The following STT3B variants were observed in gnomAD, a reference collection of about 807,000 sequenced individuals.
The protein encoded by STT3B is STT3 oligosaccharyltransferase complex catalytic subunit B.
A neutral mutation model predicts 96.8 loss-of-function variants in STT3B; 29 were observed. The ratio of observed to expected loss-of-function variants is 0.30; its 90% CI spans 0.22 to 0.41. STT3B has a LOEUF of 0.41. Among genes scored for constraint, STT3B ranks in the 10% least tolerant of loss-of-function variants. The pLI is 1.00. For missense variants in STT3B, 640 were observed against 1,022.3 expected, an observed-to-expected ratio of 0.63 and a Z score of 5.10; for synonymous variants, 367 against 360.0, an observed-to-expected ratio of 1.02 and a Z score of -0.22.
intron 8 of STT3B, 62 bp from the exon 9 acceptor site, chr3:31,619,614 A>T: frequency 7.2e-7 from 1 of 1,395,622 alleles, no homozygotes; most frequent in Admixed American, 1.9e-5. Context: ...AGATTTCTTC[A>T]TCTAAAAGGA....
chr3:31,578,295 G>A (rs993460113), intron 2 of STT3B, among the ~76,000 whole-genome samples: 5 of 152,118 alleles, frequency 3.3e-5, no homozygotes, highest in Non-Finnish European at 7.4e-5. Flanking sequence ...GCCTGGTTAT[G>A]TTTGGCTTTT....
chr3:31,600,932 A>T (rs890789883), intron 5 of STT3B, among the ~76,000 whole-genome samples: 1 of 152,032 alleles, frequency 6.6e-6, no homozygotes, highest in African/African-American at 2.4e-5. Flanking sequence ...TTTCACTGTG[A>T]TGTTTAGCGG....
intron 3 of STT3B, among the ~76,000 whole-genome samples, chr3:31,595,997 T>G (rs541538633): frequency 6.6e-6 from 1 of 152,364 alleles, no homozygotes; most frequent in Admixed American, 6.5e-5. Flanking sequence ...ATATTGTGTT[T>G]GACTCAAGTT....
At chr3:31,613,822 T>C (rs1699240896) in intron 5 of STT3B, among the ~76,000 whole-genome samples, 1 of 152,048 alleles carries the variant, frequency 6.6e-6, no homozygotes, top group South Asian at 2.1e-4. Flanking sequence ...GGGTACGTCA[T>C]AGAGGGTAAT....
intron 1 of STT3B, among the ~76,000 whole-genome samples, chr3:31,557,070 GAGAT>G (rs1212811137): frequency 2.7e-4 from 41 of 152,280 alleles, no homozygotes; most frequent in African/African-American, 9.6e-4. Context: ...TAAAGGGAGA[GAGAT>G]AGAGGTCCAG....
chr3:31,546,081 A>G (rs1276695738), intron 1 of STT3B, among the ~76,000 whole-genome samples: 1 of 152,184 alleles, frequency 6.6e-6, no homozygotes, highest in Non-Finnish European at 1.5e-5. Context: ...ACATGCTACT[A>G]TGAACATTAA....
At chr3:31,587,455 G>A (rs1005449697) in intron 3 of STT3B, among the ~76,000 whole-genome samples, 47 of 151,844 alleles carry the variant, frequency 3.1e-4, no homozygotes, top group African/African-American at 1.1e-3. Flanking sequence ...TATTGCTCAG[G>A]CTGGTCTTAA....
chr3:31,571,611 T>C (rs1412994040), intron 1 of STT3B, among the ~76,000 whole-genome samples: 1 of 152,138 alleles, frequency 6.6e-6, no homozygotes, highest in African/African-American at 2.4e-5. Context: ...TTACCTGTGA[T>C]GTGTGACTTT....
At chr3:31,548,839 A>G (rs1697479438) in intron 1 of STT3B, among the ~76,000 whole-genome samples, 1 of 152,314 alleles carries the variant, frequency 6.6e-6, no homozygotes, top group South Asian at 2.1e-4. Context: ...TGTTCTGCAG[A>G]CCACATATTC....
intron 5 of STT3B, among the ~76,000 whole-genome samples, chr3:31,611,727 C>A (rs1246591944): frequency 6.6e-6 from 1 of 152,052 alleles, no homozygotes; most frequent in African/African-American, 2.4e-5. Flanking sequence ...AAATTCCCAA[C>A]CTCAAGTGAT....
At chr3:31,585,234 T>C (rs1575426723) in intron 3 of STT3B, among the ~76,000 whole-genome samples, 1 of 152,182 alleles carries the variant, frequency 6.6e-6, no homozygotes, top group Admixed American at 6.5e-5. Flanking sequence ...TTCATCGTGA[T>C]TGAGTGATTG....
chr3:31,572,015 C>CATATTAATATATATTAATATACGAT (rs1553604000), intron 1 of STT3B, among the ~76,000 whole-genome samples: 3 of 131,954 alleles, frequency 2.3e-5, no homozygotes, highest in Non-Finnish European at 4.7e-5. Context: ...TTTTATTAAA[C>CATATTAATATATATTAATATACGAT]ATATTAATAT....
intron 1 of STT3B, among the ~76,000 whole-genome samples, chr3:31,572,230 G>T (rs900261419): frequency 6.9e-6 from 1 of 144,900 alleles, no homozygotes; most frequent in Non-Finnish European, 1.5e-5. Context: ...ATATATATAT[G>T]ATGAGGAATG....
At chr3:31,599,809 A>T (rs933527673) in intron 4 of STT3B, among the ~76,000 whole-genome samples, 31 of 152,230 alleles carry the variant, frequency 2.0e-4, no homozygotes, top group African/African-American at 7.2e-4. Flanking sequence ...AAAGATTAAA[A>T]TGGGATCTTG....
chr3:31,603,766 C>T (rs1050499292), intron 5 of STT3B, among the ~76,000 whole-genome samples: 4 of 150,066 alleles, frequency 2.7e-5, no homozygotes, highest in African/African-American at 5.1e-5. Flanking sequence ...CTTAAATGAC[C>T]AATAGGGGAA....
chr3:31,555,125 G>T (rs982660753), intron 1 of STT3B, among the ~76,000 whole-genome samples: 1 of 152,064 alleles, frequency 6.6e-6, no homozygotes, highest in African/African-American at 2.4e-5. Context: ...GCAACCTCTG[G>T]TTAGAATATA....
chr3:31,613,617 T>G (rs1185933902), intron 5 of STT3B, among the ~76,000 whole-genome samples: 2 of 151,904 alleles, frequency 1.3e-5, no homozygotes, highest in Non-Finnish European at 2.9e-5. Flanking sequence ...GATTACATAG[T>G]GATCTTCTTC....
At chr3:31,562,030 G>T (rs1014385850) in intron 1 of STT3B, among the ~76,000 whole-genome samples, 10 of 152,174 alleles carry the variant, frequency 6.6e-5, no homozygotes, top group African/African-American at 2.4e-4. Flanking sequence ...GGTGGCAGCA[G>T]TGAACTGAGC....
chr3:31,618,229 G>A (rs977961934), intron 8 of STT3B, among the ~76,000 whole-genome samples: 7 of 151,850 alleles, frequency 4.6e-5, no homozygotes, highest in Non-Finnish European at 2.9e-5. Flanking sequence ...CCTTGTTTCC[G>A]TTTTGTTTGT....
Sources: gnomAD v4.1 joint callset for allele counts (sites outside exome capture counted in the v4.1 genomes callset) on GRCh38, gnomAD v4.1.1 for gene constraint, MANE v1.5 for transcripts, NCBI Gene and HGNC (gene_info 2026-07-23, HGNC 2026-07-21) for gene names.